Variants in SLC27A1 observed in about 807,000 individuals in gnomAD.
SLC27A1 encodes the protein long-chain fatty acid transport protein 1.
SLC27A1 carries 61 observed loss-of-function variants against 62.2 expected under a neutral mutation model. That is an observed-to-expected ratio of 0.98 (90% confidence interval 0.80 to 1.21). SLC27A1 has a LOEUF of 1.21. Among genes scored for constraint, SLC27A1 ranks in the 50% most tolerant of loss-of-function variants. SLC27A1 has a pLI of 0.00. For synonymous variants in SLC27A1, 435 were observed against 408.6 expected, an observed-to-expected ratio of 1.06 and a Z score of -0.78; for missense variants, 903 against 932.1, an observed-to-expected ratio of 0.97 and a Z score of 0.41.
At position 17,479,584 on chromosome 19, in the gene SLC27A1, A is replaced by C. The variant is rs997782989; in HGVS notation, c.168-6979A>C. Among the ~76,000 whole-genome samples the C allele has an allele frequency of 2.6e-5, 4 of 152,230 alleles. No individual in the cohort carries two copies. In the South Asian group the frequency reaches 8.3e-4, roughly 31 times the overall value. On this transcript the variant is annotated intron_variant, in intron 1 of 11. Transcript: ENST00000252595. ...TCCCATATGCGAATTTAATATGCCAAACTTTTTATTTTTTAAATTTTTGAG... is the reference window on the plus strand; with the variant it reads ...TCCCATATGCGAATTTAATATGCCACACTTTTTATTTTTTAAATTTTTGAG...
chr19:17,486,505 C>G lies in SLC27A1; in HGVS notation c.168-58C>G. ...TCCTCCAGCGGGGAGGCTGAGGCTC[C>G]CAGAGGCCAGGCGGGGCAGGGCACC... On this transcript the variant is annotated intron_variant, in intron 1 of 11. Coordinates refer to ENST00000252595, the MANE Select transcript of SLC27A1 (RefSeq NM_198580.3). This position sits in a 1 kb window ranked among gnomAD's most constrained non-coding sequence, Gnocchi z 6.6. 6.7e-7 allele frequency: 1 copy of G among 1,500,232 alleles called. No individual in the cohort carries two copies. Among genetic ancestry groups the G allele is most frequent in the Non-Finnish European group, 8.9e-7 (1 of 1,126,888 alleles). The allele number at this position is 1,500,232 out of a possible 1,614,324, so 92.9% of individuals were successfully genotyped here. A position where few individuals can be genotyped will look rare whatever the true frequency, so the allele number is the denominator to read the frequency against.
intron 1 of SLC27A1, among the ~76,000 whole-genome samples, chr19:17,481,781 A>AC (rs2075181045): frequency 6.6e-6 from 1 of 152,196 alleles, no homozygotes; most frequent in African/African-American, 2.4e-5. Context: ...TGCTGGGATT[A>AC]CAGGCATGAG....
chr19:17,470,374 C>T (rs2075061433), upstream of SLC27A1: 1 of 810,250 alleles, frequency 1.2e-6, no homozygotes, highest in East Asian at 3.4e-5. Context: ...CAATCCCAGG[C>T]CTGGGGGCGG....
chr19:17,484,615 G>A (rs1323828684), intron 1 of SLC27A1, among the ~76,000 whole-genome samples: 1 of 151,884 alleles, frequency 6.6e-6, no homozygotes, highest in Non-Finnish European at 1.5e-5. Context: ...AGGGGGGAAA[G>A]AATGAATGAC....
At chr19:17,476,887 T>G (rs78245352) in intron 1 of SLC27A1, among the ~76,000 whole-genome samples, 1 of 143,744 alleles carries the variant, frequency 7.0e-6, no homozygotes, top group African/African-American at 2.7e-5. Context: ...TCATCTGTTT[T>G]TTTTTTTTTT....
At chr19:17,474,685 C>T (rs2075105935) in intron 1 of SLC27A1, among the ~76,000 whole-genome samples, 1 of 147,322 alleles carries the variant, frequency 6.8e-6, no homozygotes, top group South Asian at 2.1e-4. Flanking sequence ...GGCTGGAGTG[C>T]AATGGCGCGA....
intron 10 of SLC27A1, 121 bp downstream of exon 10, chr19:17,500,997 C>A: frequency 1.6e-6 from 2 of 1,213,506 alleles, no homozygotes; most frequent in Non-Finnish European, 2.2e-6. Flanking sequence ...TCATGGCAGC[C>A]CAGGAGGAAG....
intron 6 of SLC27A1, among the ~76,000 whole-genome samples, chr19:17,494,622 C>T (rs1008774989): frequency 2.6e-5 from 4 of 151,890 alleles, no homozygotes; most frequent in East Asian, 3.9e-4. Context: ...CTACCGTGCC[C>T]GGCCACAGGT....
At chr19:17,472,840 G>A (rs2144538390) in intron 1 of SLC27A1, among the ~76,000 whole-genome samples, 1 of 151,884 alleles carries the variant, frequency 6.6e-6, no homozygotes, top group South Asian at 2.1e-4. Flanking sequence ...TTTTTTTTGA[G>A]ACAGGGTGTC....
intron 7 of SLC27A1, chr19:17,498,362 C>CT (rs1555747525): frequency 1.3e-5 from 2 of 152,028 alleles, no homozygotes; most frequent in Non-Finnish European, 2.9e-5. Flanking sequence ...GAGTGAGACT[C>CT]TGTGTCTCTA....
chr19:17,481,491 A>G (rs563754671), intron 1 of SLC27A1, among the ~76,000 whole-genome samples: 16 of 151,460 alleles, frequency 1.1e-4, no homozygotes, highest in African/African-American at 3.6e-4. Flanking sequence ...CTCCATTTAC[A>G]TTTTTTAAAA....
chr19:17,481,725 A>G (rs954929493), intron 1 of SLC27A1, among the ~76,000 whole-genome samples: 5 of 151,940 alleles, frequency 3.3e-5, no homozygotes, highest in African/African-American at 7.3e-5. Flanking sequence ...CTGGTCTCGA[A>G]CTGCTGGGCT....
At chr19:17,476,560 A>G (rs2144548117) in intron 1 of SLC27A1, among the ~76,000 whole-genome samples, 1 of 151,836 alleles carries the variant, frequency 6.6e-6, no homozygotes, top group South Asian at 2.1e-4. Flanking sequence ...AAAAAGGAAA[A>G]AAAAAGACGC....
At chr19:17,476,883 G>GTTTTT (rs71162144) in intron 1 of SLC27A1, among the ~76,000 whole-genome samples, 22 of 131,814 alleles carry the variant, frequency 1.7e-4, no homozygotes, top group East Asian at 2.5e-4. Context: ...ATGATCATCT[G>GTTTTT]TTTTTTTTTT....
chr19:17,490,536 C>A (rs2075284558), intron 6 of SLC27A1, among the ~76,000 whole-genome samples: 1 of 151,964 alleles, frequency 6.6e-6, no homozygotes, highest in Non-Finnish European at 1.5e-5. Context: ...TTCTGGTGCA[C>A]CCCTCAGCTG....
At chr19:17,485,191 C>T (rs1243047810) in intron 1 of SLC27A1, among the ~76,000 whole-genome samples, 6 of 104,996 alleles carry the variant, frequency 5.7e-5, no homozygotes, top group African/African-American at 7.3e-5. Context: ...TTTTTGTTTC[C>T]TTTTTTTTTT....
In SLC27A1 at chr19:17,497,400, G is replaced by T. The variant is rs774962707; in HGVS notation, c.1142G>T (p.Arg381Leu). Reference sequence around the variant, plus strand: ...GAGTTCACGGAGCGCTTCGGCGTACGCCAAATCGGGGAGTTCTACGGCGCC... The same window carrying T: ...GAGTTCACGGAGCGCTTCGGCGTACTCCAAATCGGGGAGTTCTACGGCGCC... ...WEEFTERFGVRQIGEFYGATE... is the reference protein window; with the variant it reads ...WEEFTERFGVLQIGEFYGATE... Residue 381 changes from arginine (R) to leucine (L), a missense_variant, in exon 7 of 12, where the codon CGC becomes CTC. Physicochemically the swap from Arg to Leu is moderately radical, Grantham distance 102 (BLOSUM62 -2). Transcript: ENST00000252595. 9 of 1,604,980 alleles carry T rather than the reference G, an allele frequency of 5.6e-6. No individual in the cohort carries two copies. The South Asian group carries it at 1.0e-4, about 18-fold the overall frequency.
At chr19:17,477,252 T>TTTTTTTTTTTTTC in intron 1 of SLC27A1, among the ~76,000 whole-genome samples, 1 of 134,972 alleles carries the variant, frequency 7.4e-6, no homozygotes, top group Non-Finnish European at 1.6e-5. Context: ...TTTTTTTTTT[T>TTTTTTTTTTTTTC]TTTTTTTTTT....
rs1277575284 is a variant in SLC27A1 at position 17,505,849 on chromosome 19, T to C, written c.*1237T>C. The C allele has an allele frequency of 6.5e-6, 1 of 152,728 alleles. No homozygotes were observed. The highest frequency in any genetic ancestry group is 6.5e-5 in the Admixed American group (1 of 15,284). 9.5% of individuals were successfully genotyped at this position (152,728 alleles called of 1,614,324 possible). ...CTCAGGGGTTCTAGCCTGTTGAATA[T>C]ACCCCACCTGGTGGTGGCCCCTCCG... On this transcript the variant is annotated 3_prime_UTR_variant, in exon 12 of 12. Coordinates refer to ENST00000252595, the MANE Select transcript of SLC27A1 (RefSeq NM_198580.3).
Sources: gnomAD v4.1 joint callset for allele counts (sites outside exome capture counted in the v4.1 genomes callset) on GRCh38, gnomAD v4.1.1 for gene constraint, Gnocchi (gnomAD v3.1) non-coding constraint, MANE v1.5 for transcripts, NCBI Gene and HGNC (gene_info 2026-07-23, HGNC 2026-07-21) for gene names.